Variants in MAP2 observed in about 807,000 individuals in gnomAD.
MAP2 encodes microtubule associated protein 2, also known as microtubule-associated protein 2.
MAP2 carries 14 observed loss-of-function variants against 137.6 expected under a neutral mutation model. The observed-to-expected ratio is 0.10, with a 90% CI of 0.07 to 0.16. The LOEUF is 0.16. Among genes scored for constraint, MAP2 ranks in the 10% least tolerant of loss-of-function variants. The pLI is 1.00. For synonymous variants in MAP2, 786 were observed against 782.3 expected (o/e 1.00, Z -0.08); for missense variants, 2,088 against 2,191.5 (o/e 0.95, Z 0.94).
chr2:209,647,538 G>A (rs1582016156), intron 4 of MAP2, among the ~76,000 whole-genome samples: 1 of 152,108 alleles, frequency 6.6e-6, no homozygotes, highest in Non-Finnish European at 1.5e-5. Context: ...GTTTTATTAT[G>A]CTGATATACT....
chr2:209,730,171 G>A lies in MAP2; in HGVS notation c.5269-11G>A, dbSNP rs2075578245. 6.2e-7 allele frequency: 1 copy of A among 1,611,118 alleles called. No homozygotes were observed. Among genetic ancestry groups the A allele is most frequent in the Non-Finnish European group, 8.5e-7 (1 of 1,177,524 alleles). On this transcript the variant is annotated splice_polypyrimidine_tract_variant and intron_variant, in intron 15 of 15. Transcript: ENST00000682079. ...CATGAGTTAACGAGGACTGATGCTTGTCTTAAACAGATTGACAGCCAAAAG... is the reference window on the plus strand; with the variant it reads ...CATGAGTTAACGAGGACTGATGCTTATCTTAAACAGATTGACAGCCAAAAG...
intron 4 of MAP2, among the ~76,000 whole-genome samples, chr2:209,644,714 G>A (rs1465501252): frequency 1.4e-5 from 2 of 146,940 alleles, no homozygotes; most frequent in African/African-American, 5.0e-5. Flanking sequence ...GAAAGCCAAA[G>A]TATGACCAAA....
rs1394534040 is a variant in MAP2, at chr2:209,730,675, A to T, written c.*278A>T. 5.6e-6 allele frequency: 2 copies of T among 358,118 alleles called. No homozygotes were observed. Among genetic ancestry groups the T allele is most frequent in the Non-Finnish European group, 1.0e-5 (2 of 194,146 alleles). The allele number at this position is 358,118 out of a possible 1,614,324, so 22.2% of individuals were successfully genotyped here. Reference sequence around the variant, plus strand: ...GTTTTGCATGGAGTATTATTATTTTAAAAATTGCATTTTTACCTTTCATGT... The same window carrying T: ...GTTTTGCATGGAGTATTATTATTTTTAAAATTGCATTTTTACCTTTCATGT... On this transcript the variant is annotated 3_prime_UTR_variant, in exon 16 of 16. Transcript: ENST00000682079.
chr2:209,465,893 C>A (rs1010763252), intron 1 of MAP2, among the ~76,000 whole-genome samples: 1 of 152,288 alleles, frequency 6.6e-6, no homozygotes, highest in South Asian at 2.1e-4. Context: ...GAAGCCAAGC[C>A]TCTGAAAGAT....
At chr2:209,550,101 G>T (rs889404216) in intron 2 of MAP2, among the ~76,000 whole-genome samples, 1 of 152,140 alleles carries the variant, frequency 6.6e-6, no homozygotes, top group Non-Finnish European at 1.5e-5. Flanking sequence ...TGTCAATCCC[G>T]GGGGAAGCTA....
intron 4 of MAP2, among the ~76,000 whole-genome samples, chr2:209,636,623 C>A (rs532006911): frequency 3.0e-4 from 45 of 151,344 alleles, no homozygotes; most frequent in South Asian, 1.2e-3. Context: ...AATATAACAG[C>A]GTAATACATT....
chr2:209,686,174 C>T (rs1435798589), intron 7 of MAP2, among the ~76,000 whole-genome samples: 1 of 152,108 alleles, frequency 6.6e-6, no homozygotes, highest in Non-Finnish European at 1.5e-5. Flanking sequence ...GAAATCGTGC[C>T]GAGTTGAACT....
At chr2:209,531,473 C>G (rs1178460803) in intron 2 of MAP2, among the ~76,000 whole-genome samples, 1 of 152,122 alleles carries the variant, frequency 6.6e-6, no homozygotes, top group Non-Finnish European at 1.5e-5. Flanking sequence ...GAGCCTGAAT[C>G]AGACTTTCAT....
chr2:209,626,066 G>C (rs917708529), intron 4 of MAP2, among the ~76,000 whole-genome samples: 2 of 151,950 alleles, frequency 1.3e-5, no homozygotes, highest in African/African-American at 2.4e-5. Context: ...TCACTTTCTT[G>C]TTTTTATTAT....
chr2:209,532,463 A>G (rs747500606), intron 2 of MAP2, among the ~76,000 whole-genome samples: 58 of 152,124 alleles, frequency 3.8e-4, no homozygotes, highest in Non-Finnish European at 7.9e-4. Flanking sequence ...TGTTATCCCT[A>G]TTTTAAAGAT....
At position 209,730,592 on chromosome 2, in the gene MAP2, AACAGGAAG is replaced by A. The variant is rs2075659030; in HGVS notation, c.*199_*206del. The A allele has an allele frequency of 1.7e-6, 1 of 577,202 alleles. No homozygotes were observed. Among genetic ancestry groups the A allele is most frequent in the Admixed American group, 3.0e-5 (1 of 33,128 alleles). 35.8% of individuals were successfully genotyped at this position (577,202 alleles called of 1,614,324 possible). A position where few individuals can be genotyped will look rare whatever the true frequency, so the allele number is the denominator to read the frequency against. On this transcript the variant is annotated 3_prime_UTR_variant, in exon 16 of 16. Transcript: ENST00000682079. ...AGAAATTGACCTGATTTCCATTTGCAACAGGAAGACACTGGCTTTACATGGGTTCAATT... is the reference window on the plus strand; with the variant it reads ...AGAAATTGACCTGATTTCCATTTGCAACACTGGCTTTACATGGGTTCAATT...
intron 2 of MAP2, among the ~76,000 whole-genome samples, chr2:209,512,620 A>C (rs2061896004): frequency 6.6e-6 from 1 of 151,252 alleles, no homozygotes; most frequent in Admixed American, 6.6e-5. Context: ...TATATATAAA[A>C]TGTATGATAT....
chr2:209,717,867 C>T (rs1467426213), intron 13 of MAP2, among the ~76,000 whole-genome samples: 1 of 152,084 alleles, frequency 6.6e-6, no homozygotes, highest in African/African-American at 2.4e-5. Flanking sequence ...ATGTCTTCCC[C>T]TTATTTAATT....
intron 2 of MAP2, among the ~76,000 whole-genome samples, chr2:209,576,692 A>C (rs575303277): frequency 1.6e-4 from 24 of 152,312 alleles, no homozygotes; most frequent in African/African-American, 5.3e-4. Flanking sequence ...GTGGTAATCC[A>C]AGGTCTAAAA....
chr2:209,690,519 G>T, intron 7 of MAP2: 1 of 1,081,436 alleles, frequency 9.2e-7, no homozygotes, highest in South Asian at 1.6e-5. Context: ...TTCTAATGGA[G>T]CTGAAAGTGT....
At chr2:209,639,665 C>T (rs1001081420) in intron 4 of MAP2, among the ~76,000 whole-genome samples, 4 of 152,122 alleles carry the variant, frequency 2.6e-5, no homozygotes, top group African/African-American at 9.7e-5. Flanking sequence ...CACCACATCC[C>T]TTTACAATTC....
chr2:209,536,989 T>G (rs997995141), intron 2 of MAP2, among the ~76,000 whole-genome samples: 1 of 152,142 alleles, frequency 6.6e-6, no homozygotes, highest in Non-Finnish European at 1.5e-5. Context: ...TTTTATAGGA[T>G]TTTTTTCTAA....
chr2:209,698,667 C>A (rs1432112825), intron 10 of MAP2, among the ~76,000 whole-genome samples: 1 of 152,128 alleles, frequency 6.6e-6, no homozygotes, highest in Non-Finnish European at 1.5e-5. Flanking sequence ...TATACGCACA[C>A]CTTGATAAAG....
intron 2 of MAP2, among the ~76,000 whole-genome samples, chr2:209,533,188 A>C (rs2065402122): frequency 6.6e-6 from 1 of 152,066 alleles, no homozygotes; most frequent in Non-Finnish European, 1.5e-5. Context: ...CTCATCACCC[A>C]GGCTGGAGTG....
Sources: gnomAD v4.1 joint callset for allele counts (sites outside exome capture counted in the v4.1 genomes callset) on GRCh38, gnomAD v4.1.1 for gene constraint, MANE v1.5 for transcripts, NCBI Gene and HGNC (gene_info 2026-07-23, HGNC 2026-07-21) for gene names.